TNRC6B: variants seen among roughly 807,000 people sequenced by gnomAD.
The protein encoded by TNRC6B is trinucleotide repeat containing adaptor 6B.
TNRC6B carries 52 observed loss-of-function variants against 203.6 expected under a neutral mutation model. That is an observed-to-expected ratio of 0.26 (90% CI 0.20 to 0.32). The LOEUF (loss-of-function observed/expected upper bound fraction) is 0.32. Among genes scored for constraint, TNRC6B ranks in the 10% least tolerant of loss-of-function variants. TNRC6B has a pLI of 1.00. For synonymous variants in TNRC6B, 838 were observed against 845.7 expected (o/e 0.99, Z 0.16); for missense variants, 1,923 against 2,286.2 (o/e 0.84, Z 3.24).
Position 40,270,183 on chromosome 22 carries a change from T to C in TNRC6B, c.2868T>C (p.Asn956=), listed in dbSNP as rs1237026255. Residue 956 remains asparagine, a synonymous_variant, in exon 6 of 23, where the codon AAT becomes AAC. Transcript: ENST00000454349. ...GTACTTCCGCTTGGGGTGAGCCAAA[T>C]GAAAGCAGTCCTGGGTGGGGCGAGA... ...DNGTSAWGEP[N]ESSPGWGEMD... The C allele has an allele frequency of 1.9e-6, 3 of 1,577,680 alleles. No individual in the cohort carries two copies. The highest frequency in any genetic ancestry group is 2.7e-5 in the African/African-American group (2 of 74,132).
intron 1 of TNRC6B, chr22:40,106,229 G>A (rs1239719743): frequency 8.8e-6 from 3 of 341,010 alleles, no homozygotes; most frequent in South Asian, 4.0e-5. Flanking sequence ...TCATTTTCTC[G>A]AGGTTGTCTT....
chr22:40,190,514 T>C (rs1178813867), intron 1 of TNRC6B, among the ~76,000 whole-genome samples: 1 of 152,252 alleles, frequency 6.6e-6, no homozygotes, highest in Non-Finnish European at 1.5e-5. Flanking sequence ...TTTTAATTTT[T>C]ATGTCCATCA....
At chr22:40,301,128 G>A (rs1340467974) in intron 14 of TNRC6B, 22 bp from the exon 15 acceptor site, 1 of 1,552,898 alleles carries the variant, frequency 6.4e-7, no homozygotes, top group South Asian at 1.2e-5. Context: ...CTTATCACGT[G>A]TCTGTCTCTC....
In TNRC6B at chr22:40,246,867, A is replaced by T. The variant is rs193294859; in HGVS notation, c.93+765A>T. On this transcript the variant is annotated intron_variant, in intron 2 of 22. Transcript: ENST00000454349. ...AACCCCTCTCGGAAAGGATCTAGTG[A>T]GCCCACGTAGTGCTTTGGAGGATAT... Among the ~76,000 whole-genome samples, 9 of 152,146 alleles carry T rather than the reference A, an allele frequency of 5.9e-5. No individual in the cohort carries two copies. The East Asian group carries it at 1.7e-3, about 30-fold the overall frequency.
intron 1 of TNRC6B, among the ~76,000 whole-genome samples, chr22:40,197,463 A>G (rs1016626875): frequency 4.6e-5 from 7 of 151,520 alleles, no homozygotes; most frequent in African/African-American, 7.3e-5. Context: ...GATTTTTTGT[A>G]TTTTTAGTAG....
chr22:40,257,549 T>G (rs767566374), intron 3 of TNRC6B, among the ~76,000 whole-genome samples: 4 of 151,628 alleles, frequency 2.6e-5, no homozygotes, highest in African/African-American at 4.9e-5. Context: ...AAACCCCGTC[T>G]CTACTAAAAA....
In TNRC6B at chr22:40,334,202, C is replaced by G. The variant is rs1326160388; in HGVS notation, c.*10961C>G. 2 of 152,850 alleles carry G rather than the reference C, an allele frequency of 1.3e-5. No individual in the cohort carries two copies. Among genetic ancestry groups the G allele is most frequent in the Non-Finnish European group, 2.9e-5 (2 of 68,244 alleles). 9.5% of individuals were successfully genotyped at this position (152,850 alleles called of 1,614,324 possible). Reference sequence around the variant, plus strand: ...GCACTTCTTTCCTGGGACACTCCCCCCACCACCACCCTTTGCACACACCAG... The same window carrying G: ...GCACTTCTTTCCTGGGACACTCCCCGCACCACCACCCTTTGCACACACCAG... On this transcript the variant is annotated 3_prime_UTR_variant, in exon 23 of 23. Transcript: ENST00000454349.
chr22:40,251,406 A>G (rs1170370910), intron 3 of TNRC6B, among the ~76,000 whole-genome samples: 1 of 152,180 alleles, frequency 6.6e-6, no homozygotes, highest in Non-Finnish European at 1.5e-5. Flanking sequence ...TTTAGGAGTC[A>G]AAAGAGTAAA....
intron 1 of TNRC6B, among the ~76,000 whole-genome samples, chr22:40,214,281 T>G (rs532590800): frequency 2.5e-4 from 36 of 144,960 alleles, no homozygotes; most frequent in Non-Finnish European, 4.1e-4. Flanking sequence ...AATAAAACAT[T>G]AAAAAAAAAA....
intron 4 of TNRC6B, among the ~76,000 whole-genome samples, chr22:40,164,225 GA>G (rs11286129): frequency 0.68 from 98,391 of 145,152 alleles, 34,361 homozygotes; most frequent in African/African-American, 0.89. Context: ...CTACTAAAAA[GA>G]AAAAAAAAAA....
At chr22:40,127,463 TCACA>T (rs762540572) in intron 3 of TNRC6B, among the ~76,000 whole-genome samples, 7 of 150,600 alleles carry the variant, frequency 4.6e-5, no homozygotes, top group Admixed American at 4.6e-4. Context: ...GGAATCTCCC[TCACA>T]CACACACACA....
chr22:40,189,915 A>C (rs1267963399), intron 1 of TNRC6B, among the ~76,000 whole-genome samples: 1 of 152,226 alleles, frequency 6.6e-6, no homozygotes, highest in Non-Finnish European at 1.5e-5. Flanking sequence ...AAAAAATTTT[A>C]ACAAAAAAGT....
At chr22:40,093,921 T>A (rs2068167804) in intron 1 of TNRC6B, among the ~76,000 whole-genome samples, 1 of 151,344 alleles carries the variant, frequency 6.6e-6, no homozygotes, top group Non-Finnish European at 1.5e-5. Context: ...ATAACAATAA[T>A]CTATTGTATA....
chr22:40,064,039 A>AT (rs1356749034), intron 1 of TNRC6B, among the ~76,000 whole-genome samples: 1 of 152,108 alleles, frequency 6.6e-6, no homozygotes, highest in African/African-American at 2.4e-5. Context: ...TCACAATTTT[A>AT]TTTTTGGTTT....
intron 1 of TNRC6B, among the ~76,000 whole-genome samples, chr22:40,070,560 A>G (rs2067938208): frequency 6.6e-6 from 1 of 152,224 alleles, no homozygotes; most frequent in Non-Finnish European, 1.5e-5. Flanking sequence ...GGAATAAAAT[A>G]TTGTAACTAA....
intron 1 of TNRC6B, among the ~76,000 whole-genome samples, chr22:40,097,821 T>A (rs915240340): frequency 1.1e-4 from 17 of 152,080 alleles, no homozygotes; most frequent in Non-Finnish European, 4.4e-5. Context: ...GGGATTAAGA[T>A]ATACAAAATG....
At chr22:40,279,583 A>G (rs1159187129) in intron 9 of TNRC6B, among the ~76,000 whole-genome samples, 1 of 152,182 alleles carries the variant, frequency 6.6e-6, no homozygotes, top group Non-Finnish European at 1.5e-5. Context: ...ATTTATCTAG[A>G]TGATGCTAAA....
chr22:40,054,350 G>A (rs1480235487), intron 1 of TNRC6B, among the ~76,000 whole-genome samples: 1 of 152,156 alleles, frequency 6.6e-6, no homozygotes, highest in Admixed American at 6.5e-5. Context: ...CCCCCTTGCT[G>A]AGTGTACTCT....
At chr22:40,168,409 C>T (rs886453651) in intron 4 of TNRC6B, among the ~76,000 whole-genome samples, 11 of 152,116 alleles carry the variant, frequency 7.2e-5, no homozygotes, top group Non-Finnish European at 1.5e-4. Flanking sequence ...GAGGTATGTA[C>T]GAGGTGCCTT....
Sources: allele counts gnomAD v4.1 joint callset (sites outside exome capture counted in the v4.1 genomes callset), GRCh38; gene constraint gnomAD v4.1.1; transcripts MANE v1.5; gene names NCBI Gene and HGNC (gene_info 2026-07-23, HGNC 2026-07-21).